Variants in SLC16A6 observed in about 807,000 individuals in gnomAD.
SLC16A6 encodes the protein solute carrier family 16 member 6.
In SLC16A6, 15 loss-of-function variants were observed where a neutral mutation model predicts 33.8. The ratio of observed to expected loss-of-function variants is 0.44; its 90% CI spans 0.30 to 0.68. SLC16A6 has a LOEUF of 0.68. SLC16A6 is among the 30% of genes least tolerant of loss of function. The pLI, the probability that SLC16A6 is intolerant of heterozygous loss-of-function variation, is 0.10. For missense variants in SLC16A6, 451 were observed against 661.5 expected, an observed-to-expected ratio of 0.68 and a Z score of 3.49; for synonymous variants, 219 against 248.4, an observed-to-expected ratio of 0.88 and a Z score of 1.11.
rs2075250122 is a variant in SLC16A6, at chr17:68,269,233, A to G, written c.1435T>C (p.Cys479Arg). 1 of 1,538,544 alleles carries G rather than the reference A, an allele frequency of 6.5e-7. No individual in the cohort carries two copies. Among genetic ancestry groups the G allele is most frequent in the Non-Finnish European group, 8.8e-7 (1 of 1,133,926 alleles). Residue 479 changes from cysteine to arginine, a missense_variant, in exon 6 of 6, where the codon TGC (cysteine) becomes CGC (arginine). By Grantham distance (180) the Cys-to-Arg change is radical. Around this residue, in one of 2 missense-constraint regions of SLC16A6, gnomAD observed 46 missense variants for 150.8 expected, o/e 0.31. Transcript: ENST00000580666. The part of the protein sequence containing the change: ...ALVRPCKMGL[C>R]QHHHSGETKV... ...GTTTCACCTGAGTGATGATGCTGGC[A>G]CAGTCCCATCTTACACGGTCTCACC...
intron 1 of SLC16A6, among the ~76,000 whole-genome samples, chr17:68,280,179 C>CAAAAA (rs58937538): frequency 6.9e-5 from 6 of 87,572 alleles, no homozygotes; most frequent in African/African-American, 8.2e-5. Flanking sequence ...AACTCTGTCT[C>CAAAAA]AAAAAAAAAA....
At chr17:68,291,442 T>A (rs1248601895), upstream of SLC16A6, 1 of 150,030 alleles carries the variant, frequency 6.7e-6, no homozygotes, top group African/African-American at 2.4e-5. Flanking sequence ...CCGCCGACCA[T>A]GTGCTGCGAG....
intron 3 of SLC16A6, 139 bp from the exon 4 acceptor site, chr17:68,272,906 G>GA: frequency 9.9e-7 from 1 of 1,009,796 alleles, no homozygotes; most frequent in Non-Finnish European, 1.4e-6. Flanking sequence ...TCTGGACAAA[G>GA]GTGATGTTGC....
chr17:68,285,962 T>C lies in SLC16A6; in HGVS notation c.-8+5124A>G, dbSNP rs183972653. Among the ~76,000 whole-genome samples the C allele has an allele frequency of 2.0e-3, 302 of 152,272 alleles. 5 individuals are homozygous for C. Among genetic ancestry groups the C allele is most frequent in the Middle Eastern group, 0.017 (5 of 294 alleles). On this transcript the variant is annotated intron_variant, in intron 1 of 5. Coordinates refer to ENST00000580666, the MANE Select transcript of SLC16A6 (RefSeq NM_004694.5). The stretch of plus-strand genomic sequence containing the variant: ...TTTTAGTAGAGACAGGGTTTCACCA[T>C]GTTGGCCAGGCCGGTCTGGAACTCC...
Position 68,277,351 on chromosome 17 carries a change from C to T in SLC16A6, c.232+738G>A, listed in dbSNP as rs782619712. Among the ~76,000 whole-genome samples, 7 of 151,904 alleles carry T rather than the reference C, an allele frequency of 4.6e-5. 1 individual carries two copies. Among genetic ancestry groups the T allele is most frequent in the East Asian group, 3.9e-4 (2 of 5,184 alleles). On this transcript the variant is annotated intron_variant, in intron 2 of 5. Coordinates refer to ENST00000580666, the MANE Select transcript of SLC16A6 (RefSeq NM_004694.5). ...TTCACTATGTTGGTCAGGCTGGTCT[C>T]GAATTCCTGACCTCGTGATCCACCT...
Position 68,271,104 on chromosome 17 carries a change from G to A in SLC16A6, c.1056C>T (p.Asn352=). The A allele has an allele frequency of 6.2e-7, 1 of 1,614,214 alleles. No individual in the cohort carries two copies. Among genetic ancestry groups the A allele is most frequent in the Non-Finnish European group, 8.5e-7 (1 of 1,180,048 alleles). The change falls in exon 5 of 6, where the codon AAC becomes AAT. Residue 352 remains asparagine, a synonymous_variant. Coordinates refer to ENST00000580666, the MANE Select transcript of SLC16A6 (RefSeq NM_004694.5). The surrounding 1 kb of genome is among the most constrained non-coding windows in gnomAD (Gnocchi z 5.3). ...FGRIGAGFVL[N]REPIRKIYIE... ...TGTAAATCTTACGAATGGGCTCCCT[G>A]TTGAGGACAAAACCAGCTCCGATCC...
chr17:68,277,856 T>G (rs1246388239), intron 2 of SLC16A6, among the ~76,000 whole-genome samples: 1 of 152,220 alleles, frequency 6.6e-6, no homozygotes, highest in Non-Finnish European at 1.5e-5. Context: ...GTTTAATACA[T>G]GTGTGTTAAA....
At chr17:68,283,344 C>T (rs899620640) in intron 1 of SLC16A6, among the ~76,000 whole-genome samples, 1 of 151,550 alleles carries the variant, frequency 6.6e-6, no homozygotes, top group Non-Finnish European at 1.5e-5. Flanking sequence ...CACGATGAAA[C>T]CCCGTCTCTA....
chr17:68,270,821 T>A lies in SLC16A6; in HGVS notation c.1321+18A>T. The stretch of plus-strand genomic sequence containing the variant: ...AGGGAAAGTAGACAAGTGTTTGTAT[T>A]TTGTGTATTTAAATTACCTGCAAGG... On this transcript the variant is annotated intron_variant, in intron 5 of 5. Transcript: ENST00000580666. The A allele has an allele frequency of 1.9e-6, 3 of 1,573,872 alleles. No individual in the cohort carries two copies. The highest frequency in any genetic ancestry group is 1.7e-6 in the Non-Finnish European group (2 of 1,158,906).
intron 1 of SLC16A6, among the ~76,000 whole-genome samples, chr17:68,288,800 C>G (rs782575347): frequency 6.6e-6 from 1 of 152,132 alleles, no homozygotes; most frequent in Non-Finnish European, 1.5e-5. Context: ...TTTCTGTGTA[C>G]CATTAACTGG....
At chr17:68,281,998 T>G (rs2145115345) in intron 1 of SLC16A6, among the ~76,000 whole-genome samples, 1 of 152,354 alleles carries the variant, frequency 6.6e-6, no homozygotes, top group Middle Eastern at 3.4e-3. Context: ...ATCCCATTAC[T>G]GGGTATATAC....
chr17:68,278,170 C>A lies in SLC16A6; in HGVS notation c.151G>T (p.Asp51Tyr). ...GATTCATTAAAACTGTCCATTAAGT[C>A]ATTAAAGAAGACACCAAATGTCTTG... Reference protein sequence around the residue: ...IIKTFGVFFNDLMDSFNESNS... With the variant: ...IIKTFGVFFNYLMDSFNESNS... The change falls in exon 2 of 6, where the codon GAC (aspartate) becomes TAC (tyrosine). Residue 51 changes from aspartate to tyrosine, a missense_variant. Transcript: ENST00000580666. The A allele has an allele frequency of 6.2e-7, 1 of 1,614,102 alleles. No individual in the cohort carries two copies. Among genetic ancestry groups the A allele is most frequent in the Non-Finnish European group, 8.5e-7 (1 of 1,180,000 alleles).
chr17:68,282,467 C>T (rs1182417309), intron 1 of SLC16A6, among the ~76,000 whole-genome samples: 2 of 148,024 alleles, frequency 1.4e-5, no homozygotes, highest in Non-Finnish European at 3.0e-5. Context: ...CAAATCTGCA[C>T]GTTGTGCACA....
rs879950263 is a variant in SLC16A6 at position 68,268,901 on chromosome 17, C to CA, written c.*194dup. 0.028 allele frequency: 27,455 copies of CA among 972,798 alleles called. 213 individuals carry two copies. Among genetic ancestry groups the CA allele is most frequent in the African/African-American group, 0.12 (6,552 of 54,454 alleles). 60.3% of individuals were successfully genotyped at this position (972,798 alleles called of 1,614,324 possible). On this transcript the variant is annotated 3_prime_UTR_variant, in exon 6 of 6. Coordinates refer to ENST00000580666, the MANE Select transcript of SLC16A6 (RefSeq NM_004694.5). ...TTTTTGTTTTGGCTTTAAAAACAAG[C>CA]AAAAAAAAAAAGCTTAAAACAAAAC...
intron 1 of SLC16A6, among the ~76,000 whole-genome samples, chr17:68,280,919 G>A (rs1449015818): frequency 5.3e-5 from 8 of 152,064 alleles, no homozygotes; most frequent in East Asian, 1.9e-4. Context: ...GAGCTAAGGC[G>A]TTTGAGACCA....
At chr17:68,284,393 AAAAT>A (rs1482100193) in intron 1 of SLC16A6, among the ~76,000 whole-genome samples, 67 of 152,282 alleles carry the variant, frequency 4.4e-4, no homozygotes, top group African/African-American at 1.6e-3. Context: ...GACTCTGTCT[AAAAT>A]AAATAAATAA....
At chr17:68,279,884 T>A (rs2075637248) in intron 1 of SLC16A6, among the ~76,000 whole-genome samples, 1 of 152,086 alleles carries the variant, frequency 6.6e-6, no homozygotes, top group Admixed American at 6.6e-5. Context: ...CAACTTCAAG[T>A]TTAAGAATTC....
At chr17:68,273,272 G>C (rs1244614681) in intron 3 of SLC16A6, among the ~76,000 whole-genome samples, 1 of 151,550 alleles carries the variant, frequency 6.6e-6, no homozygotes, top group Non-Finnish European at 1.5e-5. Context: ...GCAGTGGTGT[G>C]ATCACAGCTC....
chr17:68,279,206 G>A (rs1010508751), intron 1 of SLC16A6, among the ~76,000 whole-genome samples: 17 of 152,130 alleles, frequency 1.1e-4, no homozygotes, highest in African/African-American at 3.9e-4. Flanking sequence ...CCTAGAAAAC[G>A]GAGGCTGAAA....
Sources: gnomAD v4.1 joint callset for allele counts (sites outside exome capture counted in the v4.1 genomes callset) on GRCh38, gnomAD v4.1.1 for gene constraint, gnomAD v4.1.1 regional missense constraint, Gnocchi (gnomAD v3.1) non-coding constraint, MANE v1.5 for transcripts, NCBI Gene and HGNC (gene_info 2026-07-23, HGNC 2026-07-21) for gene names.